The following NTM variants were observed in gnomAD, a reference collection of about 807,000 sequenced individuals.
NTM encodes IgLON family member 2.
NTM carries 13 observed loss-of-function variants against 42.1 expected under a neutral mutation model. The ratio of observed to expected loss-of-function variants is 0.31; its 90% confidence interval spans 0.20 to 0.49. The LOEUF is 0.49. Ranked by LOEUF, NTM falls within the 20% of genes least tolerant of loss-of-function variation. NTM has a pLI of 0.99. For synonymous variants in NTM, 187 were observed against 179.2 expected (o/e 1.04, Z -0.35); for missense variants, 373 against 452.8 (o/e 0.82, Z 1.60).
chr11:131,564,148 TAGTC>T lies in NTM; in HGVS notation c.82+193264_82+193267del, dbSNP rs775858446. Among the ~76,000 whole-genome samples, 102 of 152,376 alleles carry T rather than the reference TAGTC, an allele frequency of 6.7e-4. 1 individual carries two copies. Among genetic ancestry groups the T allele is most frequent in the Middle Eastern group, 3.4e-3 (1 of 294 alleles). ...TGATTCCTGCAGGTTCTTTTGGAAT[TAGTC>T]AGTATCTACTCCATTTTACTAAGGG... On this transcript the variant is annotated intron_variant, in intron 1 of 8. Transcript: ENST00000683400.
intron 1 of NTM, among the ~76,000 whole-genome samples, chr11:131,819,531 T>G (rs1204077091): frequency 6.6e-6 from 1 of 152,148 alleles, no homozygotes; most frequent in African/African-American, 2.4e-5. Flanking sequence ...ACATAAAAAA[T>G]CTCCAAAGTC....
intron 1 of NTM, among the ~76,000 whole-genome samples, chr11:131,604,007 G>A (rs2060708633): frequency 6.6e-6 from 1 of 152,080 alleles, no homozygotes; most frequent in Non-Finnish European, 1.5e-5. Flanking sequence ...GCTTGTACAA[G>A]TTTTAGTGTA....
At chr11:131,480,347 T>G (rs895542355) in intron 1 of NTM, among the ~76,000 whole-genome samples, 3 of 152,242 alleles carry the variant, frequency 2.0e-5, no homozygotes, top group African/African-American at 7.2e-5. Context: ...TTTTCTTGGA[T>G]AGCAGGATAC....
chr11:132,015,431 T>C (rs77820332), intron 2 of NTM, among the ~76,000 whole-genome samples: 2,902 of 151,988 alleles, frequency 0.019, 72 homozygotes, highest in African/African-American at 0.055. Context: ...CTGTGAAAAA[T>C]GCCATTGGTG....
chr11:132,328,458 G>C (rs908995642), intron 7 of NTM, among the ~76,000 whole-genome samples: 2 of 151,894 alleles, frequency 1.3e-5, no homozygotes, highest in African/African-American at 4.9e-5. Flanking sequence ...ACCCCATCTG[G>C]ATGGAATAAT....
chr11:131,891,708 T>C (rs749675402), intron 1 of NTM, among the ~76,000 whole-genome samples: 11 of 152,148 alleles, frequency 7.2e-5, no homozygotes, highest in Non-Finnish European at 7.3e-5. Context: ...ATCCCATGTA[T>C]TTTTCTGTGG....
chr11:131,795,450 G>T, intron 1 of NTM: 1 of 985,428 alleles, frequency 1.0e-6, no homozygotes, highest in Admixed American at 6.1e-5. Context: ...TCAAATGCTT[G>T]ATATGCAGCT....
intron 1 of NTM, among the ~76,000 whole-genome samples, chr11:131,574,330 C>T (rs1237080867): frequency 1.3e-5 from 2 of 152,190 alleles, no homozygotes; most frequent in Non-Finnish European, 2.9e-5. Context: ...CCCCCATTCT[C>T]AAAGCCCCCT....
intron 1 of NTM, among the ~76,000 whole-genome samples, chr11:131,378,810 C>T (rs550040594): frequency 2.3e-4 from 35 of 152,292 alleles, no homozygotes; most frequent in Non-Finnish European, 4.0e-4. Context: ...CCTAGCCTCC[C>T]TGCCCCTCCC....
intron 1 of NTM, among the ~76,000 whole-genome samples, chr11:131,781,491 T>C (rs938234798): frequency 1.3e-5 from 2 of 152,180 alleles, no homozygotes; most frequent in Non-Finnish European, 2.9e-5. Context: ...GAACTCAACT[T>C]AAATATGCTA....
intron 2 of NTM, among the ~76,000 whole-genome samples, chr11:132,021,893 G>A (rs1356394392): frequency 6.6e-6 from 1 of 152,198 alleles, no homozygotes; most frequent in Non-Finnish European, 1.5e-5. Flanking sequence ...CAGGTTTCCA[G>A]CTTCAGTGTC....
chr11:131,690,475 G>A (rs2074516588), intron 1 of NTM, among the ~76,000 whole-genome samples: 1 of 152,090 alleles, frequency 6.6e-6, no homozygotes, highest in African/African-American at 2.4e-5. Flanking sequence ...GGCTCAGCGC[G>A]AACCTTGCTG....
intron 1 of NTM, among the ~76,000 whole-genome samples, chr11:131,864,414 G>T (rs2046937829): frequency 6.6e-6 from 1 of 152,138 alleles, no homozygotes. Context: ...GGACTGACTG[G>T]TTTCAATTAA....
intron 2 of NTM, among the ~76,000 whole-genome samples, chr11:131,986,136 C>T (rs1213163634): frequency 2.6e-5 from 4 of 152,190 alleles, no homozygotes; most frequent in Admixed American, 2.6e-4. Context: ...GAAACCTAGA[C>T]TATCTTTCAA....
chr11:131,782,380 A>T (rs1485690705), intron 1 of NTM, among the ~76,000 whole-genome samples: 1 of 151,958 alleles, frequency 6.6e-6, no homozygotes, highest in Non-Finnish European at 1.5e-5. Flanking sequence ...AAAAAAAAAC[A>T]ACTCTAGGTC....
intron 1 of NTM, chr11:131,795,351 G>A (rs2091438701): frequency 2.0e-6 from 2 of 979,732 alleles, no homozygotes; most frequent in Non-Finnish European, 2.4e-6. Context: ...AGTGGGAGAT[G>A]TTATTGTTAT....
chr11:131,469,095 G>C lies in NTM; in HGVS notation c.82+98207G>C, dbSNP rs183925306. Among the ~76,000 whole-genome samples the C allele has an allele frequency of 2.6e-5, 4 of 152,308 alleles. No individual in the cohort carries two copies. In the East Asian group the frequency reaches 7.7e-4, roughly 29 times the overall value. ...CTGGCAGAGCTGGCTGCTGCTCTCT[G>C]TTGCAAATCCAAGCTCCGTTTCATC... On this transcript the variant is annotated intron_variant, in intron 1 of 8. Transcript: ENST00000683400.
At chr11:131,598,639 C>A in intron 1 of NTM, among the ~76,000 whole-genome samples, 1 of 152,178 alleles carries the variant, frequency 6.6e-6, no homozygotes. Context: ...TGGCTTCCAC[C>A]AGCACTACAG....
intron 1 of NTM, among the ~76,000 whole-genome samples, chr11:131,483,803 G>A (rs1334932987): frequency 6.6e-6 from 1 of 152,248 alleles, no homozygotes; most frequent in Non-Finnish European, 1.5e-5. Flanking sequence ...GGCAGTGGGG[G>A]AAGCAGAGCC....
Sources: gnomAD v4.1 joint callset for allele counts (sites outside exome capture counted in the v4.1 genomes callset) on GRCh38, gnomAD v4.1.1 for gene constraint, MANE v1.5 for transcripts, NCBI Gene and HGNC (gene_info 2026-07-23, HGNC 2026-07-21) for gene names.